The following RASSF3 variants were observed in gnomAD, a reference collection of about 807,000 sequenced individuals.
RASSF3 encodes the protein ras association domain-containing protein 3.
RASSF3 carries 19 observed loss-of-function variants against 19.9 expected under a neutral mutation model. The observed-to-expected ratio is 0.96, with a 90% CI of 0.67 to 1.40. The LOEUF (loss-of-function observed/expected upper bound fraction) is 1.40, where lower values mean the gene tolerates loss of function less well. Ranked by LOEUF, RASSF3 falls within the 40% of genes most tolerant of loss-of-function variation. The pLI, the probability that RASSF3 is intolerant of heterozygous loss-of-function variation, is 0.00. For synonymous variants in RASSF3, 110 were observed against 104.2 expected, an observed-to-expected ratio of 1.06 and a Z score of -0.34; for missense variants, 306 against 289.8, an observed-to-expected ratio of 1.06 and a Z score of -0.41.
intron 1 of RASSF3, among the ~76,000 whole-genome samples, chr12:64,645,530 TA>T (rs1450342879): frequency 6.6e-6 from 1 of 152,036 alleles, no homozygotes; most frequent in African/African-American, 2.4e-5. Flanking sequence ...TATAAAATTT[TA>T]AAAATAAAGA....
rs769903544 is a variant in RASSF3, at chr12:64,644,602, TG to T, written c.111+33862del. Among the ~76,000 whole-genome samples, 3 of 151,856 alleles carry T rather than the reference TG, an allele frequency of 2.0e-5. No individual in the cohort carries two copies. The East Asian group carries it at 5.8e-4, about 29-fold the overall frequency. On this transcript the variant is annotated intron_variant, in intron 1 of 4. Transcript: ENST00000542104. ...GTTCCAGCTACCCGGGAGGCTAAGGTGGGAAGATCACCTGAGCCCAGGAGGT... is the reference window on the plus strand; with the variant it reads ...GTTCCAGCTACCCGGGAGGCTAAGGTGGAAGATCACCTGAGCCCAGGAGGT...
intron 2 of RASSF3, among the ~76,000 whole-genome samples, chr12:64,601,823 T>C (rs966493521): frequency 2.0e-5 from 3 of 148,864 alleles, no homozygotes; most frequent in Admixed American, 6.7e-5. Flanking sequence ...TTAAAAATAA[T>C]TAAGAAATAT....
intron 1 of RASSF3, among the ~76,000 whole-genome samples, chr12:64,648,703 G>T (rs866366395): frequency 6.6e-6 from 1 of 151,092 alleles, no homozygotes; most frequent in Non-Finnish European, 1.5e-5. Flanking sequence ...GGATGGTCTC[G>T]ATCTCTTGAC....
chr12:64,584,522 A>AG (rs1282286048), intron 2 of RASSF3, among the ~76,000 whole-genome samples: 1 of 151,520 alleles, frequency 6.6e-6, no homozygotes, highest in Non-Finnish European at 1.5e-5. Context: ...AAAAAAAAAA[A>AG]AGCTAAAGAA....
At chr12:64,517,132 A>G (rs1868382572) in intron 1 of RASSF3, among the ~76,000 whole-genome samples, 1 of 152,120 alleles carries the variant, frequency 6.6e-6, no homozygotes, top group African/African-American at 2.4e-5. Flanking sequence ...CAAAAAAACA[A>G]ACTTGTAATA....
chr12:64,569,982 CA>C (rs1244252458), intron 2 of RASSF3, among the ~76,000 whole-genome samples: 1 of 152,040 alleles, frequency 6.6e-6, no homozygotes, highest in Non-Finnish European at 1.5e-5. Flanking sequence ...ACAACAACAA[CA>C]AAAACATCTT....
intron 1 of RASSF3, among the ~76,000 whole-genome samples, chr12:64,672,035 A>G (rs999204254): frequency 1.8e-4 from 27 of 152,048 alleles, no homozygotes; most frequent in African/African-American, 6.3e-4. Flanking sequence ...AGACTTTTAC[A>G]TTTGTCTATT....
Position 64,697,060 on chromosome 12 carries a change from A to ATTTT in RASSF3, c.*2167_*2170dup, listed in dbSNP as rs60256040. The stretch of plus-strand genomic sequence containing the variant: ...AGTAGTAGCTGATGGGTATCTGTGA[A>ATTTT]TTTTTTTTTTTTTTTTTTTTTTACT... On this transcript the variant is annotated 3_prime_UTR_variant, in exon 5 of 5. Coordinates refer to ENST00000542104, the MANE Select transcript of RASSF3 (RefSeq NM_178169.4). 3.0e-5 allele frequency: 4 copies of ATTTT among 134,782 alleles called. No individual in the cohort carries two copies. The highest frequency in any genetic ancestry group is 4.8e-5 in the Non-Finnish European group (3 of 62,348). The allele number at this position is 134,782 out of a possible 1,614,324, so 8.3% of individuals were successfully genotyped here. A position where few individuals can be genotyped will look rare whatever the true frequency, so the allele number is the denominator to read the frequency against.
At chr12:64,601,837 G>T (rs1294401738) in intron 2 of RASSF3, among the ~76,000 whole-genome samples, 1 of 151,436 alleles carries the variant, frequency 6.6e-6, no homozygotes, top group Non-Finnish European at 1.5e-5. Context: ...GAAATATAAG[G>T]CCGGGTGCAG....
At chr12:64,544,176 C>T (rs559218391), downstream of RASSF3, among the ~76,000 whole-genome samples, 1 of 152,274 alleles carries the variant, frequency 6.6e-6, no homozygotes, top group South Asian at 2.1e-4. Context: ...GTAACGCCCA[C>T]CGTGAAACGC....
intron 1 of RASSF3, chr12:64,507,525 T>C: frequency 2.7e-6 from 1 of 373,382 alleles, no homozygotes; most frequent in East Asian, 3.8e-5. Context: ...GAGGCTGATG[T>C]ATTAGAAGCC....
chr12:64,567,091 T>C (rs192250298), intron 2 of RASSF3, among the ~76,000 whole-genome samples: 63 of 152,262 alleles, frequency 4.1e-4, no homozygotes, highest in Admixed American at 2.0e-3. Flanking sequence ...TTGGGGCAGA[T>C]CAATTTCAAA....
At chr12:64,672,950 G>T (rs1042659442) in intron 1 of RASSF3, among the ~76,000 whole-genome samples, 1 of 152,248 alleles carries the variant, frequency 6.6e-6, no homozygotes, top group African/African-American at 2.4e-5. Context: ...TGGTGGAGCC[G>T]GCTGAGTTTC....
chr12:64,598,927 C>T (rs1870041879), intron 2 of RASSF3, among the ~76,000 whole-genome samples: 1 of 136,514 alleles, frequency 7.3e-6, no homozygotes, highest in Non-Finnish European at 1.5e-5. Context: ...TGTGATGTTC[C>T]TCTTCCTGGA....
At chr12:64,553,954 G>GT (rs955934874) in intron 2 of RASSF3, among the ~76,000 whole-genome samples, 4 of 147,166 alleles carry the variant, frequency 2.7e-5, no homozygotes, top group African/African-American at 1.0e-4. Context: ...TCCAGCCTGG[G>GT]TGACAGAGTG....
At chr12:64,656,247 A>G (rs1473464455) in intron 1 of RASSF3, among the ~76,000 whole-genome samples, 1 of 152,172 alleles carries the variant, frequency 6.6e-6, no homozygotes, top group East Asian at 1.9e-4. Flanking sequence ...ATGTAGGAGT[A>G]TATGAATATT....
chr12:64,589,176 G>C (rs892832377), intron 2 of RASSF3, among the ~76,000 whole-genome samples: 1 of 152,236 alleles, frequency 6.6e-6, no homozygotes, highest in Non-Finnish European at 1.5e-5. Context: ...TAGGCCAGGC[G>C]CAGTGGCTCA....
At chr12:64,515,412 CT>C (rs1049086556) in intron 1 of RASSF3, 25 of 152,116 alleles carry the variant, frequency 1.6e-4, no homozygotes, top group African/African-American at 5.8e-4. Context: ...CCCCAGATCC[CT>C]TTTTTTTCCT....
intron 4 of RASSF3, 106 bp downstream of exon 4, chr12:64,691,685 A>G (rs1171979353): frequency 1.2e-6 from 1 of 806,786 alleles, no homozygotes; most frequent in Non-Finnish European, 2.1e-6. Context: ...AAGAGAAGAG[A>G]GTTGGAGGGC....
Sources: gnomAD v4.1 joint callset for allele counts (sites outside exome capture counted in the v4.1 genomes callset) on GRCh38, gnomAD v4.1.1 for gene constraint, MANE v1.5 for transcripts, NCBI Gene and HGNC (gene_info 2026-07-23, HGNC 2026-07-21) for gene names.